Variants in LPIN1 observed in about 807,000 individuals in gnomAD.
LPIN1 encodes the protein lipin 1, also known as phosphatidate phosphatase LPIN1.
A neutral mutation model predicts 107.5 loss-of-function variants in LPIN1; 71 were observed. The ratio of observed to expected loss-of-function variants is 0.66; its 90% CI spans 0.55 to 0.80. The LOEUF (loss-of-function observed/expected upper bound fraction) is 0.80. Ranked by LOEUF, LPIN1 falls within the 30% of genes least tolerant of loss-of-function variation. The pLI, the probability that LPIN1 is intolerant of heterozygous loss-of-function variation, is 0.00. For synonymous variants in LPIN1, 445 were observed against 452.6 expected (o/e 0.98, Z 0.21); for missense variants, 1,043 against 1,160.6 (o/e 0.90, Z 1.47).
At chr2:11,708,902 T>C (rs1663264442) in intron 1 of LPIN1, among the ~76,000 whole-genome samples, 1 of 152,162 alleles carries the variant, frequency 6.6e-6, no homozygotes, top group Admixed American at 6.5e-5. Context: ...TCTTTAATCC[T>C]CACAAGGGCC....
At chr2:11,679,552 A>T (rs1167042498) in intron 1 of LPIN1, among the ~76,000 whole-genome samples, 1 of 152,176 alleles carries the variant, frequency 6.6e-6, no homozygotes, top group South Asian at 2.1e-4. Context: ...TGCAGAGAGG[A>T]TGTCAAACCC....
At chr2:11,792,870 C>T (rs1345197438) in intron 13 of LPIN1, among the ~76,000 whole-genome samples, 1 of 152,120 alleles carries the variant, frequency 6.6e-6, no homozygotes, top group African/African-American at 2.4e-5. Flanking sequence ...GCTCCCAGGC[C>T]CCTGTGTCCA....
In LPIN1 at chr2:11,819,803, G is replaced by A. The variant is rs77383000; in HGVS notation, c.2517+205G>A. ...CTTCCAGGGTTCTTTGAAGGTTGGC[G>A]GGTGGGTCAAAGCTTGAGATATGGG... On this transcript the variant is annotated intron_variant, in intron 19 of 20. Transcript: ENST00000674199. Among the ~76,000 whole-genome samples the A allele has an allele frequency of 0.013, 1,932 of 152,260 alleles. 51 individuals are homozygous for A. Among genetic ancestry groups the A allele is most frequent in the African/African-American group, 0.044 (1,822 of 41,532 alleles).
intron 1 of LPIN1, among the ~76,000 whole-genome samples, chr2:11,762,015 C>G (rs780741475): frequency 2.6e-5 from 4 of 152,078 alleles, no homozygotes; most frequent in Admixed American, 1.3e-4. Flanking sequence ...CTCGTTCCCA[C>G]AAGCTGTCCC....
At chr2:11,776,361 C>T (rs1672679716) in intron 6 of LPIN1, among the ~76,000 whole-genome samples, 168 bp downstream of exon 6, 1 of 151,706 alleles carries the variant, frequency 6.6e-6, no homozygotes, top group Non-Finnish European at 1.5e-5. Context: ...TTTCACTAAC[C>T]AAATTACTTA....
chr2:11,695,634 A>G (rs912785888), intron 1 of LPIN1, among the ~76,000 whole-genome samples: 1 of 152,166 alleles, frequency 6.6e-6, no homozygotes, highest in Non-Finnish European at 1.5e-5. Flanking sequence ...AGCTTAGGGT[A>G]GCTGGGCCCC....
chr2:11,801,782 A>G (rs545671442), intron 14 of LPIN1, among the ~76,000 whole-genome samples: 4 of 152,240 alleles, frequency 2.6e-5, no homozygotes, highest in African/African-American at 7.2e-5. Context: ...CAAAGAAATG[A>G]TAACTGTTTG....
At position 11,826,024 on chromosome 2, in the gene LPIN1, A is replaced by G. The variant is rs1231708720; in HGVS notation, c.*1233A>G. On this transcript the variant is annotated 3_prime_UTR_variant, in exon 21 of 21. Coordinates refer to ENST00000674199, the MANE Select transcript of LPIN1 (RefSeq NM_001349206.2). ...TAATAATTTGGCATTCTTTAAGCCT[A>G]CAGAATGTGATTCTTTCACTTGTTT... 6.6e-6 allele frequency: 1 copy of G among 152,590 alleles called. No individual in the cohort carries two copies. The highest frequency in any genetic ancestry group is 2.4e-5 in the African/African-American group (1 of 41,470). The allele number at this position is 152,590 out of a possible 1,614,324, so 9.5% of individuals were successfully genotyped here.
In LPIN1 at chr2:11,724,574, T is replaced by C. The variant is rs139189944; in HGVS notation, c.-72+35T>C. On this transcript the variant is annotated intron_variant, in intron 1 of 21. Coordinates refer to the LPIN1 transcript ENST00000396097. ...AGCAGGGGCCTTTATCTGAAGTTAA[T>C]GGAAGCTGAGCCAGGTCCTGACAAT... is the stretch of plus-strand genomic sequence containing the variant. 6.1e-6 allele frequency: 6 copies of C among 985,474 alleles called. No individual in the cohort carries two copies. In the East Asian group the frequency reaches 5.7e-4, roughly 93 times the overall value. The allele number at this position is 985,474 out of a possible 1,614,324, so 61.0% of individuals were successfully genotyped here. A position where few individuals can be genotyped will look rare whatever the true frequency, so the allele number is the denominator to read the frequency against.
chr2:11,799,022 A>G (rs1465175484), intron 14 of LPIN1, among the ~76,000 whole-genome samples: 1 of 152,224 alleles, frequency 6.6e-6, no homozygotes, highest in African/African-American at 2.4e-5. Context: ...CTGTAAAGCA[A>G]GCAACATTTA....
intron 1 of LPIN1, among the ~76,000 whole-genome samples, chr2:11,754,611 T>G (rs1464109780): frequency 1.1e-4 from 17 of 152,340 alleles, no homozygotes; most frequent in South Asian, 1.0e-3. Context: ...TGAGCCTTGC[T>G]TCTGTAGCCA....
intron 1 of LPIN1, among the ~76,000 whole-genome samples, chr2:11,687,033 G>A (rs1455491461): frequency 7.5e-6 from 1 of 132,918 alleles, no homozygotes; most frequent in Non-Finnish European, 1.5e-5. Flanking sequence ...TGAGGTCTTG[G>A]TGCGTTGCTG....
intron 1 of LPIN1, among the ~76,000 whole-genome samples, chr2:11,687,634 A>C (rs1207996637): frequency 3.9e-5 from 6 of 152,250 alleles, no homozygotes; most frequent in Non-Finnish European, 8.8e-5. Flanking sequence ...ATCCCTGACC[A>C]AGTGGTTTTG....
At chr2:11,764,103 T>TACAC (rs1174224490) in intron 1 of LPIN1, 1,414 of 121,826 alleles carry the variant, frequency 0.012, 53 homozygotes, top group African/African-American at 0.044. Flanking sequence ...TATATATATA[T>TACAC]ACACACACAC....
At chr2:11,802,419 C>T (rs1210056627) in intron 14 of LPIN1, among the ~76,000 whole-genome samples, 4 of 152,162 alleles carry the variant, frequency 2.6e-5, no homozygotes, top group African/African-American at 9.7e-5. Flanking sequence ...GTCTTTCTTG[C>T]TTTCACTGGC....
rs766572033 is a variant in LPIN1 at position 11,773,765 on chromosome 2, C to T, written c.722+20C>T. 9 of 1,613,698 alleles carry T rather than the reference C, an allele frequency of 5.6e-6. No individual in the cohort carries two copies. In the Admixed American group the frequency reaches 1.0e-4, roughly 18 times the overall value. On this transcript the variant is annotated intron_variant, in intron 5 of 20. Coordinates refer to ENST00000674199, the MANE Select transcript of LPIN1 (RefSeq NM_001349206.2). ...TCCCAGGTAAGCTGTTCCCTGTTCC[C>T]CTGGCCCAGTGCAGAGGCTTAGAAG...
chr2:11,746,726 G>T (rs1572531044), intron 1 of LPIN1, 55 bp downstream of exon 1: 1 of 912,784 alleles, frequency 1.1e-6, no homozygotes, highest in Non-Finnish European at 1.3e-6. Flanking sequence ...GCAGCCTCGG[G>T]TTAGGCGGGG....
intron 4 of LPIN1, among the ~76,000 whole-genome samples, chr2:11,772,821 A>C (rs2148636901): frequency 6.6e-6 from 1 of 152,352 alleles, no homozygotes; most frequent in South Asian, 2.1e-4. Flanking sequence ...AGAAGGGATA[A>C]GGGGAATCAG....
intron 1 of LPIN1, among the ~76,000 whole-genome samples, chr2:11,752,433 A>T (rs868505203): frequency 0.019 from 1,935 of 103,562 alleles, 98 homozygotes; most frequent in African/African-American, 0.1. Context: ...TTCCAAGGCC[A>T]TTTTTTTTTT....
Sources: allele counts gnomAD v4.1 joint callset (sites outside exome capture counted in the v4.1 genomes callset), GRCh38; gene constraint gnomAD v4.1.1; transcripts MANE v1.5; gene names NCBI Gene and HGNC (gene_info 2026-07-23, HGNC 2026-07-21).